Variants in ERN2 observed in about 807,000 individuals in gnomAD.
ERN2 encodes the protein endoplasmic reticulum to nucleus signaling 2.
A neutral mutation model predicts 107.9 loss-of-function variants in ERN2; 111 were observed. That is an observed-to-expected ratio of 1.03 (90% CI 0.88 to 1.20). The LOEUF (loss-of-function observed/expected upper bound fraction) is 1.20, where lower values mean the gene tolerates loss of function less well. Ranked by LOEUF, ERN2 falls within the 50% of genes most tolerant of loss-of-function variation. The pLI is 0.00. For missense variants in ERN2, 1,225 were observed against 1,197.9 expected (o/e 1.02, Z -0.33); for synonymous variants, 524 against 501.7 (o/e 1.04, Z -0.59).
Position 23,692,176 on chromosome 16 carries a change from T to A in ERN2, c.2248+8A>T. The A allele has an allele frequency of 6.2e-7, 1 of 1,614,040 alleles. No individual in the cohort carries two copies. The highest frequency in any genetic ancestry group is 8.5e-7 in the Non-Finnish European group (1 of 1,180,012). ...CTCCCTTCTCTGCCCTGCCCAGGGC[T>A]CCCTCACCGTGGACCTCTTCCTCCA... On this transcript the variant is annotated splice_region_variant and intron_variant, in intron 18 of 21. Transcript: ENST00000256797.
intron 13 of ERN2, among the ~76,000 whole-genome samples, chr16:23,697,643 A>G (rs529831311): frequency 1.6e-4 from 25 of 152,318 alleles, no homozygotes; most frequent in Non-Finnish European, 2.5e-4. Flanking sequence ...AAGGCCTTCA[A>G]TGCAGATATA....
At chr16:23,709,024 T>C (rs1960437506) in intron 4 of ERN2, 1 of 367,582 alleles carries the variant, frequency 2.7e-6, no homozygotes, top group Admixed American at 3.4e-5. Context: ...GAGTATGCCA[T>C]GTGTTTGCAG....
chr16:23,690,945 C>T lies in ERN2; in HGVS notation c.2667G>A (p.Leu889=). The change falls in exon 22 of 22, where the codon CTG becomes CTA. Residue 889 remains leucine, a synonymous_variant. Transcript: ENST00000256797. ...VQYFTNRFPR[L]LLHTHRAMRS... ...TCATGGCTCGGTGCGTGTGGAGGAGCAGCCGTGGGAAGCGGTTTGTGAAGT... is the reference window on the plus strand; with the variant it reads ...TCATGGCTCGGTGCGTGTGGAGGAGTAGCCGTGGGAAGCGGTTTGTGAAGT... The T allele has an allele frequency of 6.2e-7, 1 of 1,614,090 alleles. No homozygotes were observed. The highest frequency in any genetic ancestry group is 8.5e-7 in the Non-Finnish European group (1 of 1,180,038).
In ERN2 at chr16:23,692,238, C is replaced by T. The variant is rs759317265; in HGVS notation, c.2194G>A (p.Ala732Thr). 2 of 1,614,170 alleles carry T rather than the reference C, an allele frequency of 1.2e-6. No individual in the cohort carries two copies. The highest frequency in any genetic ancestry group is 1.1e-5 in the South Asian group (1 of 91,092). Reference protein sequence around the residue: ...HPFGDSLYRQANILTGAPCLA... With the variant: ...HPFGDSLYRQTNILTGAPCLA... ...CAGGGAGCCCCTGTGAGGATGTTTGCCTGGCGATAAAGACTGTCTCCAAAG... is the reference window on the plus strand; with the variant it reads ...CAGGGAGCCCCTGTGAGGATGTTTGTCTGGCGATAAAGACTGTCTCCAAAG... Residue 732 changes from alanine (A) to threonine (T), a missense_variant, in exon 18 of 22, where the codon GCA becomes ACA. Physicochemically the swap from Ala to Thr is moderately conservative, Grantham distance 58 (BLOSUM62 0). Transcript: ENST00000256797.
rs565965831 is a variant in ERN2 at position 23,701,960 on chromosome 16, G to A, written c.1203+192C>T. Among the ~76,000 whole-genome samples, 45 of 124,850 alleles carry A rather than the reference G, an allele frequency of 3.6e-4. No homozygotes were observed. The South Asian group carries it at 0.014, about 40-fold the overall frequency. 81.9% of individuals were successfully genotyped at this position (124,850 alleles called of 152,430 possible). ...AGCCACTTTTTAACACTTCTAACGTGTTTCTGGCAGTAACAACAACAACAA... is the reference window on the plus strand; with the variant it reads ...AGCCACTTTTTAACACTTCTAACGTATTTCTGGCAGTAACAACAACAACAA... On this transcript the variant is annotated intron_variant, in intron 11 of 21. Transcript: ENST00000256797.
chr16:23,702,777 C>T, intron 8 of ERN2, 75 bp from the exon 9 acceptor site: 1 of 1,246,816 alleles, frequency 8.0e-7, no homozygotes, highest in Non-Finnish European at 1.2e-6. Context: ...GGTACTCATG[C>T]CCTTGTATAT....
chr16:23,694,921 C>T lies in ERN2; in HGVS notation c.1907G>A (p.Arg636Gln). Reference sequence around the variant, plus strand: ...GAGAATATTTCCTGGCTTCAGGTCCCGGTGCACTGTGGGAGAGGGGCAGAA... The same window carrying T: ...GAGAATATTTCCTGGCTTCAGGTCCTGGTGCACTGTGGGAGAGGGGCAGAA... Reference protein sequence around the residue: ...AHLHSLHIVHRDLKPGNILIT... With the variant: ...AHLHSLHIVHQDLKPGNILIT... Residue 636 changes from arginine to glutamine, a missense_variant, in exon 17 of 22, where the codon CGG (arginine) becomes CAG (glutamine). Transcript: ENST00000256797. 6.2e-7 allele frequency: 1 copy of T among 1,614,162 alleles called. No individual in the cohort carries two copies. The highest frequency in any genetic ancestry group is 8.5e-7 in the Non-Finnish European group (1 of 1,180,024).
intron 4 of ERN2, 145 bp from the exon 5 acceptor site, chr16:23,707,224 G>A (rs1280845086): frequency 4.5e-6 from 3 of 668,258 alleles, no homozygotes; most frequent in Non-Finnish European, 8.2e-6. Flanking sequence ...GGCTTGGAGA[G>A]GCCATGTAAC....
rs866471618 is a variant in ERN2, at chr16:23,695,051, G to A, written c.1868C>T (p.Ser623Phe). ...TAAAGAGTGCAGGTGGGCCAGGCCA[G>A]ACATCAGCTGCTGCAGCACGACCTC... ...EPEVVLQQLM[S>F]GLAHLHSLHI... Residue 623 changes from serine (S) to phenylalanine (F), a missense_variant, in exon 16 of 22, where the codon TCT becomes TTT. Transcript: ENST00000256797. 6.2e-7 allele frequency: 1 copy of A among 1,613,616 alleles called. No homozygotes were observed. Among genetic ancestry groups the A allele is most frequent in the African/African-American group, 1.3e-5 (1 of 74,920 alleles).
rs199781820 is a variant in ERN2, at chr16:23,690,928, C to T, written c.2684G>A (p.Arg895Gln). ...RFPRLLLHTH[R>Q]AMRSCASESL... Reference sequence around the variant, plus strand: ...CTCAGAGGCGCAGCTCCTCATGGCTCGGTGCGTGTGGAGGAGCAGCCGTGG... The same window carrying T: ...CTCAGAGGCGCAGCTCCTCATGGCTTGGTGCGTGTGGAGGAGCAGCCGTGG... The change falls in exon 22 of 22, where the codon CGA becomes CAA. Residue 895 changes from arginine to glutamine, a missense_variant. Coordinates refer to ENST00000256797, the MANE Select transcript of ERN2 (RefSeq NM_033266.4). The T allele has an allele frequency of 1.8e-5, 29 of 1,614,040 alleles. 1 individual carries two copies. In the East Asian group the frequency reaches 2.2e-4, roughly 12 times the overall value.
In ERN2 at chr16:23,690,950, G is replaced by A. The variant is rs138767254; in HGVS notation, c.2662C>T (p.Arg888Trp). 7.6e-4 allele frequency: 1,230 copies of A among 1,614,140 alleles called. 11 individuals carry two copies. Among genetic ancestry groups the A allele is most frequent in the Non-Finnish European group, 1.8e-4 (213 of 1,180,032 alleles). ...FVQYFTNRFPRLLLHTHRAMR... is the reference protein window; with the variant it reads ...FVQYFTNRFPWLLLHTHRAMR... Reference sequence around the variant, plus strand: ...GCTCGGTGCGTGTGGAGGAGCAGCCGTGGGAAGCGGTTTGTGAAGTACTGG... The same window carrying A: ...GCTCGGTGCGTGTGGAGGAGCAGCCATGGGAAGCGGTTTGTGAAGTACTGG... Residue 888 changes from arginine to tryptophan, a missense_variant, in exon 22 of 22, where the codon CGG becomes TGG. Arg to Trp is a moderately radical substitution (Grantham distance 101). Coordinates refer to ENST00000256797, the MANE Select transcript of ERN2 (RefSeq NM_033266.4).
chr16:23,705,135 A>G lies in ERN2; in HGVS notation c.602T>C (p.Leu201Pro). 1 of 1,611,920 alleles carries G rather than the reference A, an allele frequency of 6.2e-7. No individual in the cohort carries two copies. The highest frequency in any genetic ancestry group is 8.5e-7 in the Non-Finnish European group (1 of 1,178,196). Residue 201 changes from leucine (L) to proline (P), a missense_variant, in exon 8 of 22, where the codon CTG becomes CCG. Leu to Pro is a moderately conservative substitution (Grantham distance 98). Transcript: ENST00000256797. Reference sequence around the variant, plus strand: ...CAGCAGGCCCATCCCGCAGGACGCCAGGTGGCTCATGTCTGCCGAGAAAGG... The same window carrying G: ...CAGCAGGCCCATCCCGCAGGACGCCGGGTGGCTCATGTCTGCCGAGAAAGG... ...DGSPGKYMSH[L>P]ASCGMGLLLT...
At position 23,693,673 on chromosome 16, in the gene ERN2, G is replaced by A. The variant is rs184535680; in HGVS notation, c.2100+1055C>T. ...TCATGACATCATGCATTTAGTCCTT[G>A]AGCCCTGCTCACCACTTTGAGCTTT... On this transcript the variant is annotated intron_variant, in intron 17 of 21. Coordinates refer to ENST00000256797, the MANE Select transcript of ERN2 (RefSeq NM_033266.4). 7.2e-5 allele frequency among the ~76,000 whole-genome samples: 11 copies of A among 151,942 alleles called. 1 individual carries two copies.
At chr16:23,691,483 A>T in intron 19 of ERN2, 58 bp from the exon 20 acceptor site, 1 of 1,572,178 alleles carries the variant, frequency 6.4e-7, no homozygotes, top group Non-Finnish European at 8.6e-7. Context: ...CATAGCCAGG[A>T]GTGTGTTGTC....
Position 23,695,918 on chromosome 16 carries a change from C to A in ERN2, c.1586G>T (p.Gly529Val). 1 of 1,614,150 alleles carries A rather than the reference C, an allele frequency of 6.2e-7. No homozygotes were observed. The highest frequency in any genetic ancestry group is 8.5e-7 in the Non-Finnish European group (1 of 1,180,002). The change falls in exon 14 of 22, where the codon GGG becomes GTG. Residue 529 changes from glycine to valine, a missense_variant. Physicochemically the swap from Gly to Val is moderately radical, Grantham distance 109. Coordinates refer to ENST00000256797, the MANE Select transcript of ERN2 (RefSeq NM_033266.4). ...CCGGAAAACGAAAGTCCCGCCTGCC[C>A]CGCGGCCCAGCACGTCCTTGGGATT... ...SFNPKDVLGRGAGGTFVFRGQ... is the reference protein window; with the variant it reads ...SFNPKDVLGRVAGGTFVFRGQ...
chr16:23,708,104 C>T (rs557398118), intron 4 of ERN2, among the ~76,000 whole-genome samples: 2 of 152,146 alleles, frequency 1.3e-5, no homozygotes, highest in Non-Finnish European at 2.9e-5. Context: ...GAGGTCCCAT[C>T]GGGTGGTGCT....
Position 23,691,056 on chromosome 16 carries a change from A to G in ERN2, c.2569-13T>C, listed in dbSNP as rs1181410098. 29 of 1,613,790 alleles carry G rather than the reference A, an allele frequency of 1.8e-5. No homozygotes were observed. Among genetic ancestry groups the G allele is most frequent in the Admixed American group, 3.3e-5 (2 of 60,004 alleles). On this transcript the variant is annotated splice_polypyrimidine_tract_variant and intron_variant, in intron 21 of 21. Coordinates refer to ENST00000256797, the MANE Select transcript of ERN2 (RefSeq NM_033266.4). Reference sequence around the variant, plus strand: ...TGTAGTGGTGCTTCTGTGGGTAGGTAGAGCAGAGAACCCTGGCTCAGCTGC... The same window carrying G: ...TGTAGTGGTGCTTCTGTGGGTAGGTGGAGCAGAGAACCCTGGCTCAGCTGC...
At position 23,713,151 on chromosome 16, in the gene ERN2, G is replaced by C; in HGVS notation, c.37C>G (p.Arg13Gly). 6.4e-7 allele frequency: 1 copy of C among 1,574,208 alleles called. No homozygotes were observed. The highest frequency in any genetic ancestry group is 8.6e-7 in the Non-Finnish European group (1 of 1,165,944). ...GCGAACTGGAGCTGGAGCCCCAGCC[G>C]GGGCCACGGCCTCGACCCCCTGACC... ...SAVRGSRPWP[R>G]LGLQLQFAAL... Residue 13 changes from arginine to glycine, a missense_variant, in exon 1 of 22, where the codon CGG becomes GGG. Coordinates refer to ENST00000256797, the MANE Select transcript of ERN2 (RefSeq NM_033266.4).
At chr16:23,711,213 G>A (rs1960528293) in intron 1 of ERN2, among the ~76,000 whole-genome samples, 195 bp from the exon 2 acceptor site, 1 of 152,118 alleles carries the variant, frequency 6.6e-6, no homozygotes, top group African/African-American at 2.4e-5. Context: ...GGAAGCTGGG[G>A]GGTTCTGAGG....
Sources: allele counts gnomAD v4.1 joint callset (sites outside exome capture counted in the v4.1 genomes callset), GRCh38; gene constraint gnomAD v4.1.1; transcripts MANE v1.5; gene names NCBI Gene and HGNC (gene_info 2026-07-23, HGNC 2026-07-21).